The following VAV3 variants were observed in gnomAD, a reference collection of about 807,000 sequenced individuals.
The protein encoded by VAV3 is guanine nucleotide exchange factor VAV3.
VAV3 carries 94 observed loss-of-function variants against 131.2 expected under a neutral mutation model. The ratio of observed to expected loss-of-function variants is 0.72; its 90% CI spans 0.61 to 0.85. VAV3 has a LOEUF of 0.85. Ranked by LOEUF, VAV3 falls within the 40% of genes least tolerant of loss-of-function variation. VAV3 has a pLI of 0.00. For synonymous variants in VAV3, 349 were observed against 342.0 expected, an observed-to-expected ratio of 1.02 and a Z score of -0.22; for missense variants, 939 against 1,002.7, an observed-to-expected ratio of 0.94 and a Z score of 0.86.
intron 24 of VAV3, among the ~76,000 whole-genome samples, chr1:107,597,855 C>G (rs372556087): frequency 1.3e-5 from 2 of 152,008 alleles, no homozygotes; most frequent in Non-Finnish European, 2.9e-5. Context: ...TAACAGCTAC[C>G]CCATTATCCC....
chr1:107,932,685 C>G (rs1164984768), intron 1 of VAV3, among the ~76,000 whole-genome samples: 1 of 152,112 alleles, frequency 6.6e-6, no homozygotes, highest in Non-Finnish European at 1.5e-5. Flanking sequence ...TAAATATAAT[C>G]ACAACTGTCT....
At chr1:107,575,046 A>C (rs1649545642) in intron 25 of VAV3, among the ~76,000 whole-genome samples, 1 of 147,356 alleles carries the variant, frequency 6.8e-6, no homozygotes, top group African/African-American at 2.5e-5. Context: ...ATTCGATGGC[A>C]GGAGAGGAGC....
rs960646916 is a variant in VAV3 at position 107,861,574 on chromosome 1, A to T, written c.321+13327T>A. On this transcript the variant is annotated intron_variant, in intron 2 of 26. Coordinates refer to ENST00000370056, the MANE Select transcript of VAV3 (RefSeq NM_006113.5). ...CTTCTATGTATGTTTTTATTACTCT[A>T]CCCAATCCATATCCAATGCTATCAA... is the stretch of plus-strand genomic sequence containing the variant. 2.0e-5 allele frequency among the ~76,000 whole-genome samples: 3 copies of T among 151,514 alleles called. 1 individual carries two copies. The highest frequency in any genetic ancestry group is 4.4e-5 in the Non-Finnish European group (3 of 67,810).
In VAV3 at chr1:107,783,226, A is replaced by C. The variant is rs969057175; in HGVS notation, c.322-3734T>G. On this transcript the variant is annotated intron_variant, in intron 2 of 26. Coordinates refer to ENST00000370056, the MANE Select transcript of VAV3 (RefSeq NM_006113.5). Reference sequence around the variant, plus strand: ...CCAGAAGCTAGGAAGGACCATTGAGAAAGTGTGGAAAGGACAATCACAGGG... The same window carrying C: ...CCAGAAGCTAGGAAGGACCATTGAGCAAGTGTGGAAAGGACAATCACAGGG... Among the ~76,000 whole-genome samples the C allele has an allele frequency of 4.1e-4, 62 of 152,298 alleles. 1 individual carries two copies. Among genetic ancestry groups the C allele is most frequent in the African/African-American group, 1.5e-3 (61 of 41,562 alleles).
intron 19 of VAV3, among the ~76,000 whole-genome samples, chr1:107,654,874 C>T (rs1656426748): frequency 6.6e-6 from 1 of 151,812 alleles, no homozygotes; most frequent in Non-Finnish European, 1.5e-5. Flanking sequence ...GAAATAGTAC[C>T]TACATTCTAA....
chr1:107,764,974 T>C (rs987408679), intron 9 of VAV3, 102 bp downstream of exon 9: 2 of 702,814 alleles, frequency 2.8e-6, no homozygotes, highest in Admixed American at 5.9e-5. Context: ...TGAAATTATA[T>C]TTAAAATAAT....
At chr1:107,769,700 G>T (rs542624856) in intron 6 of VAV3, among the ~76,000 whole-genome samples, 8 of 152,236 alleles carry the variant, frequency 5.3e-5, no homozygotes, top group African/African-American at 1.9e-4. Context: ...AATTTCACTT[G>T]TTCCAACAGA....
At chr1:107,964,399 C>A (rs1421346631) in intron 1 of VAV3, 1 of 399,840 alleles carries the variant, frequency 2.5e-6, no homozygotes, top group Admixed American at 3.9e-5. Context: ...CCTAAGACAA[C>A]TTATTTCTTT....
chr1:107,761,325 G>A lies in VAV3; in HGVS notation c.922-446C>T, dbSNP rs577961307. On this transcript the variant is annotated intron_variant, in intron 9 of 26. Transcript: ENST00000370056. ...GGAGAATGGAGTGAACCCGGGAGGC[G>A]GAGCTTGCAGTGAGCTGAGATGGTG... 3.1e-3 allele frequency among the ~76,000 whole-genome samples: 472 copies of A among 151,156 alleles called. 3 individuals are homozygous for A. The highest frequency in any genetic ancestry group is 7.4e-3 in the East Asian group (38 of 5,136).
At chr1:107,734,465 T>C (rs1009078242) in intron 15 of VAV3, among the ~76,000 whole-genome samples, 1 of 152,068 alleles carries the variant, frequency 6.6e-6, no homozygotes, top group Non-Finnish European at 1.5e-5. Flanking sequence ...AGGAGACCCA[T>C]CTCACGTGCA....
At chr1:107,730,415 C>A (rs1403314495) in intron 15 of VAV3, among the ~76,000 whole-genome samples, 2 of 152,160 alleles carry the variant, frequency 1.3e-5, no homozygotes, top group Non-Finnish European at 2.9e-5. Flanking sequence ...AAAAGCAGAA[C>A]TTAAACTCTG....
chr1:107,775,673 A>T (rs2102207624), intron 4 of VAV3, among the ~76,000 whole-genome samples: 1 of 151,710 alleles, frequency 6.6e-6, no homozygotes, highest in African/African-American at 2.4e-5. Flanking sequence ...CAATAATCTT[A>T]GTCACTTTAT....
intron 1 of VAV3, among the ~76,000 whole-genome samples, chr1:107,963,783 C>G (rs1013409395): frequency 5.3e-5 from 8 of 152,154 alleles, no homozygotes; most frequent in Non-Finnish European, 7.3e-5. Flanking sequence ...GAGAAAGAGG[C>G]TCTGAACCGA....
At chr1:107,960,193 C>A (rs6674463) in intron 1 of VAV3, among the ~76,000 whole-genome samples, 2 of 152,086 alleles carry the variant, frequency 1.3e-5, no homozygotes, top group Admixed American at 1.3e-4. Flanking sequence ...CAGGGCTGGG[C>A]GTGGCAGCTC....
At chr1:107,605,281 A>G (rs192759072) in intron 22 of VAV3, among the ~76,000 whole-genome samples, 2 of 152,338 alleles carry the variant, frequency 1.3e-5, no homozygotes, top group African/African-American at 4.8e-5. Flanking sequence ...AAAAGTGATT[A>G]GGTCACGGGG....
intron 1 of VAV3, among the ~76,000 whole-genome samples, chr1:107,942,107 AC>A (rs1238966932): frequency 6.6e-6 from 1 of 152,228 alleles, no homozygotes; most frequent in East Asian, 1.9e-4. Context: ...TAATGTTAAC[AC>A]CTTGAAACTC....
intron 10 of VAV3, among the ~76,000 whole-genome samples, chr1:107,757,989 C>T (rs915732880): frequency 5.9e-5 from 9 of 152,130 alleles, no homozygotes; most frequent in African/African-American, 1.9e-4. Flanking sequence ...CGGACTCATC[C>T]GTCCAACTAA....
chr1:107,943,735 C>T (rs1022692139), intron 1 of VAV3, among the ~76,000 whole-genome samples: 1 of 152,128 alleles, frequency 6.6e-6, no homozygotes, highest in South Asian at 2.1e-4. Flanking sequence ...AGCGAGACTC[C>T]GTCTCAAAAC....
intron 13 of VAV3, among the ~76,000 whole-genome samples, 190 bp downstream of exon 13, chr1:107,750,927 G>C (rs1197757305): frequency 6.6e-6 from 1 of 152,056 alleles, no homozygotes; most frequent in Non-Finnish European, 1.5e-5. Flanking sequence ...CAAACTAATA[G>C]ATACCAGAAC....
Sources: allele counts gnomAD v4.1 joint callset (sites outside exome capture counted in the v4.1 genomes callset), GRCh38; gene constraint gnomAD v4.1.1; transcripts MANE v1.5; gene names NCBI Gene and HGNC (gene_info 2026-07-23, HGNC 2026-07-21).